Variants in TENM3 observed in about 807,000 individuals in gnomAD.
TENM3 encodes the protein teneurin transmembrane protein 3.
TENM3 carries 63 observed loss-of-function variants against 255.1 expected under a neutral mutation model. That is an observed-to-expected ratio of 0.25 (90% CI 0.20 to 0.30). The LOEUF is 0.30. Ranked by LOEUF, TENM3 falls within the 10% of genes least tolerant of loss-of-function variation. The probability of loss-of-function intolerance (pLI) is 1.00; values close to 1 mark genes in which losing one functional copy is unlikely to be tolerated. For synonymous variants in TENM3, 1,306 were observed against 1,322.3 expected (o/e 0.99, Z 0.27); for missense variants, 2,929 against 3,461.1 (o/e 0.85, Z 3.86).
At chr4:181,617,600 G>A in the TENM3 span, among the ~76,000 whole-genome samples, 38 of 152,264 alleles carry the variant, frequency 2.5e-4, no homozygotes, top group Non-Finnish European at 4.7e-4. Flanking sequence ...TGTCTACCAT[G>A]GTGATTAGTT....
At chr4:181,719,652 TC>T in the TENM3 span, among the ~76,000 whole-genome samples, 141 of 152,306 alleles carry the variant, frequency 9.3e-4, no homozygotes, top group African/African-American at 3.0e-3. Context: ...CCTAATCCCA[TC>T]ACCTTGAGGG....
At chr4:181,919,314 G>A in the TENM3 span, among the ~76,000 whole-genome samples, 1 of 151,938 alleles carries the variant, frequency 6.6e-6, no homozygotes, top group Non-Finnish European at 1.5e-5. Flanking sequence ...AACAGAAAGA[G>A]CTGAGCTGGG....
At chr4:181,726,059 T>A in the TENM3 span, among the ~76,000 whole-genome samples, 1 of 151,964 alleles carries the variant, frequency 6.6e-6, no homozygotes, top group Admixed American at 6.6e-5. Context: ...GAGAATTTGA[T>A]TTTTTTCAAA....
chr4:182,509,211 G>T (rs943977494), intron 3 of TENM3, among the ~76,000 whole-genome samples: 5 of 152,180 alleles, frequency 3.3e-5, no homozygotes, highest in African/African-American at 1.2e-4. Flanking sequence ...AATTACCTTT[G>T]CTGACAGTGA....
the TENM3 span, among the ~76,000 whole-genome samples, chr4:181,640,419 C>A: frequency 6.6e-6 from 1 of 152,206 alleles, no homozygotes; most frequent in Non-Finnish European, 1.5e-5. Context: ...TTGCCCATCA[C>A]TGCTTTCATG....
At chr4:181,672,215 C>A in the TENM3 span, among the ~76,000 whole-genome samples, 3 of 152,142 alleles carry the variant, frequency 2.0e-5, no homozygotes, top group Non-Finnish European at 4.4e-5. Context: ...CTTTGCCCCT[C>A]TTTGAGCTTC....
chr4:182,687,516 T>C (rs1756674058), intron 11 of TENM3, among the ~76,000 whole-genome samples: 1 of 152,194 alleles, frequency 6.6e-6, no homozygotes, highest in Non-Finnish European at 1.5e-5. Flanking sequence ...GTCAATTATA[T>C]GTATTATTAA....
chr4:182,640,786 A>G (rs965977951), intron 5 of TENM3, among the ~76,000 whole-genome samples: 4 of 152,192 alleles, frequency 2.6e-5, no homozygotes, highest in African/African-American at 4.8e-5. Flanking sequence ...TGCTCCATAA[A>G]TATTCATTAA....
the TENM3 span, among the ~76,000 whole-genome samples, chr4:181,827,069 A>G: frequency 6.6e-6 from 1 of 152,144 alleles, no homozygotes; most frequent in East Asian, 1.9e-4. Context: ...AGGAGTCGCA[A>G]TAATTCCTCT....
chr4:181,581,179 G>A, the TENM3 span, among the ~76,000 whole-genome samples: 1 of 152,152 alleles, frequency 6.6e-6, no homozygotes, highest in East Asian at 1.9e-4. Flanking sequence ...AGTGAGTCAC[G>A]CCTGTAATCC....
intron 3 of TENM3, among the ~76,000 whole-genome samples, chr4:182,421,907 G>T (rs1770863620): frequency 1.3e-5 from 2 of 152,100 alleles, no homozygotes; most frequent in Admixed American, 1.3e-4. Context: ...TCATCATTCG[G>T]GATGACCATT....
chr4:181,984,087 C>T, the TENM3 span, among the ~76,000 whole-genome samples: 1 of 151,884 alleles, frequency 6.6e-6, no homozygotes, highest in Non-Finnish European at 1.5e-5. Context: ...CCTTTCTGTC[C>T]CCTTTTTTGT....
At chr4:181,760,539 T>C in the TENM3 span, among the ~76,000 whole-genome samples, 1 of 152,284 alleles carries the variant, frequency 6.6e-6, no homozygotes, top group Admixed American at 6.5e-5. Context: ...TTCTCCTAAG[T>C]TGGGCCCATT....
chr4:182,079,577 T>C, the TENM3 span: 1 of 152,174 alleles, frequency 6.6e-6, no homozygotes, highest in Non-Finnish European at 1.5e-5. Flanking sequence ...AGCCGTGATT[T>C]GTGGACATTG....
the TENM3 span, among the ~76,000 whole-genome samples, chr4:181,572,752 ACT>A: frequency 6.6e-6 from 1 of 152,066 alleles, no homozygotes; most frequent in Admixed American, 6.5e-5. Context: ...TTCCAGTTAT[ACT>A]CTTTTAGTTA....
chr4:182,356,613 G>A (rs561918905), intron 3 of TENM3, among the ~76,000 whole-genome samples: 53 of 152,214 alleles, frequency 3.5e-4, no homozygotes, highest in Middle Eastern at 3.4e-3. Flanking sequence ...AATGAAAAGC[G>A]TCTGACCTCT....
At chr4:181,643,317 TTG>T in the TENM3 span, among the ~76,000 whole-genome samples, 19 of 152,294 alleles carry the variant, frequency 1.2e-4, 1 homozygote, top group African/African-American at 4.3e-4. Flanking sequence ...TCTGTTTGTC[TTG>T]TGATTTTTGC....
chr4:182,522,701 C>A (rs972083205), intron 3 of TENM3, among the ~76,000 whole-genome samples: 7 of 152,218 alleles, frequency 4.6e-5, no homozygotes, highest in Admixed American at 3.3e-4. Context: ...TCTTTATCCA[C>A]TTATCTGTTG....
rs763332290 is a variant in TENM3 at position 182,799,684 on chromosome 4, G to C, written c.7433G>C (p.Arg2478Pro). ...ATGGCCGAGGTGCAGGTGAGCCGGCGCCGGGCCGGCGGCGCGCAGTCCTGG... is the reference window on the plus strand; with the variant it reads ...ATGGCCGAGGTGCAGGTGAGCCGGCCCCGGGCCGGCGGCGCGCAGTCCTGG... ...GKMAEVQVSR[R>P]RAGGAQSWLW... The change falls in exon 28 of 28, where the codon CGC becomes CCC. Residue 2478 changes from arginine to proline, a missense_variant. By Grantham distance (103) the Arg-to-Pro change is moderately radical (BLOSUM62 -2). Transcript: ENST00000511685. The surrounding 1 kb of genome is among the most constrained non-coding windows in gnomAD (Gnocchi z 4.2). 1.2e-5 allele frequency: 19 copies of C among 1,548,910 alleles called. No individual in the cohort carries two copies. The highest frequency in any genetic ancestry group is 1.6e-5 in the Non-Finnish European group (18 of 1,146,546).
Sources: gnomAD v4.1 joint callset for allele counts (sites outside exome capture counted in the v4.1 genomes callset) on GRCh38, gnomAD v4.1.1 for gene constraint, Gnocchi (gnomAD v3.1) non-coding constraint, MANE v1.5 for transcripts, NCBI Gene and HGNC (gene_info 2026-07-23, HGNC 2026-07-21) for gene names.